Variants in CACNA2D3 observed in about 807,000 individuals in gnomAD.
CACNA2D3 encodes the protein voltage-dependent calcium channel subunit alpha-2/delta-3.
A neutral mutation model predicts 160.6 loss-of-function variants in CACNA2D3; 60 were observed. That is an observed-to-expected ratio of 0.37 (90% CI 0.30 to 0.46). CACNA2D3 has a LOEUF of 0.46. Among genes scored for constraint, CACNA2D3 ranks in the 20% least tolerant of loss-of-function variants. The pLI, the probability that CACNA2D3 is intolerant of heterozygous loss-of-function variation, is 1.00. For missense variants in CACNA2D3, 1,205 were observed against 1,365.0 expected (o/e 0.88, Z 1.85); for synonymous variants, 558 against 492.9 (o/e 1.13, Z -1.75).
intron 12 of CACNA2D3, among the ~76,000 whole-genome samples, chr3:54,753,752 A>C (rs950334704): frequency 3.3e-5 from 5 of 152,236 alleles, no homozygotes; most frequent in Admixed American, 1.3e-4. Context: ...TTAACTATCA[A>C]ATAAAATTAT....
intron 4 of CACNA2D3, among the ~76,000 whole-genome samples, chr3:54,422,694 G>A (rs1559477346): frequency 6.6e-6 from 1 of 152,186 alleles, no homozygotes; most frequent in African/African-American, 2.4e-5. Context: ...GATATCAAAT[G>A]TTGGTAAGGG....
At chr3:54,288,490 A>G (rs945923784) in intron 2 of CACNA2D3, among the ~76,000 whole-genome samples, 12 of 152,294 alleles carry the variant, frequency 7.9e-5, no homozygotes, top group East Asian at 3.9e-4. Flanking sequence ...TTCTACCAGA[A>G]GTACAAAGAG....
intron 11 of CACNA2D3, among the ~76,000 whole-genome samples, chr3:54,716,112 ACAC>A (rs2106973959): frequency 6.6e-6 from 1 of 152,328 alleles, no homozygotes. Context: ...TAAAATAAAA[ACAC>A]AAACTTTATT....
chr3:54,569,864 T>C lies in CACNA2D3; in HGVS notation c.737+9T>C. On this transcript the variant is annotated intron_variant, in intron 7 of 37. Transcript: ENST00000474759. ...TGCAGGAACCGAAAATGGTAGGCAGTGGTCAGACCTCTTTGTTATTTCTCA... is the reference window on the plus strand; with the variant it reads ...TGCAGGAACCGAAAATGGTAGGCAGCGGTCAGACCTCTTTGTTATTTCTCA... 1 of 1,610,458 alleles carries C rather than the reference T, an allele frequency of 6.2e-7. No individual in the cohort carries two copies. Among genetic ancestry groups the C allele is most frequent in the Non-Finnish European group, 8.5e-7 (1 of 1,178,006 alleles).
chr3:54,474,060 A>G (rs1436823593), intron 4 of CACNA2D3, among the ~76,000 whole-genome samples: 2 of 152,220 alleles, frequency 1.3e-5, no homozygotes, highest in Admixed American at 1.3e-4. Context: ...ATATACCCAA[A>G]GGATTATGAA....
At chr3:55,067,717 A>T (rs1318634464) in intron 35 of CACNA2D3, among the ~76,000 whole-genome samples, 1 of 110,762 alleles carries the variant, frequency 9.0e-6, no homozygotes, top group African/African-American at 4.5e-5. Context: ...CATGCATTAG[A>T]TACATACATA....
rs1553873684 is a variant in CACNA2D3, at chr3:54,821,697, T to TTCCTTCCTTCC, written c.1398+4828_1398+4829insCCTTCCTTCCT. 2.9e-4 allele frequency among the ~76,000 whole-genome samples: 24 copies of TTCCTTCCTTCC among 84,140 alleles called. No homozygotes were observed. In the East Asian group the frequency reaches 4.6e-3, roughly 16 times the overall value. 55.2% of individuals were successfully genotyped at this position (84,140 alleles called of 152,430 possible). On this transcript the variant is annotated intron_variant, in intron 14 of 37. Coordinates refer to ENST00000474759, the MANE Select transcript of CACNA2D3 (RefSeq NM_018398.3). ...CTTTCTTTCTTTCTTTCTTTCTTTC[T>TTCCTTCCTTCC]TTCCTTCCTTCCTTCTTTCCTCTCT...
intron 35 of CACNA2D3, among the ~76,000 whole-genome samples, chr3:55,019,361 G>A (rs1297877686): frequency 3.3e-5 from 5 of 151,188 alleles, no homozygotes; most frequent in Admixed American, 2.6e-4. Flanking sequence ...ATTCTGATAG[G>A]GTTTTCATTA....
chr3:55,034,933 A>G (rs1167905333), intron 35 of CACNA2D3, among the ~76,000 whole-genome samples: 2 of 152,170 alleles, frequency 1.3e-5, no homozygotes, highest in African/African-American at 4.8e-5. Flanking sequence ...TATTAAGATA[A>G]ATCTCAGTAA....
chr3:54,473,160 G>C (rs146879987), intron 4 of CACNA2D3, among the ~76,000 whole-genome samples: 3 of 152,132 alleles, frequency 2.0e-5, no homozygotes, highest in Non-Finnish European at 2.9e-5. Context: ...AACCAAAACA[G>C]CATGGTACTG....
intron 27 of CACNA2D3, among the ~76,000 whole-genome samples, chr3:54,959,517 CTAT>C (rs34279966): frequency 0.4 from 60,982 of 151,676 alleles, 13,276 homozygotes; most frequent in East Asian, 0.56. Flanking sequence ...TGTGGCTGTT[CTAT>C]TATTATTGGT....
intron 4 of CACNA2D3, among the ~76,000 whole-genome samples, chr3:54,403,393 AC>A (rs1699509491): frequency 1.4e-5 from 2 of 146,322 alleles, no homozygotes; most frequent in Non-Finnish European, 3.0e-5. Context: ...ACACACACAC[AC>A]ACACGCACAC....
At chr3:54,796,235 C>G (rs1199112492) in intron 13 of CACNA2D3, among the ~76,000 whole-genome samples, 1 of 152,134 alleles carries the variant, frequency 6.6e-6, no homozygotes, top group African/African-American at 2.4e-5. Flanking sequence ...ATTATACTAT[C>G]AGATCAAAAA....
Position 54,122,724 on chromosome 3 carries a change from C to G in CACNA2D3, c.11C>G (p.Pro4Arg). The change falls in exon 1 of 38, where the codon CCG becomes CGG. Residue 4 changes from proline (P) to arginine (R), a missense_variant. Coordinates refer to ENST00000474759, the MANE Select transcript of CACNA2D3 (RefSeq NM_018398.3). ...CGGAGGGAGCCCAGCATGGCCGGGC[C>G]GGGCTCGCCGCGCCGCGCGTCCCGG... is the stretch of plus-strand genomic sequence containing the variant. MAG[P>R]GSPRRASRGA... is the part of the protein sequence containing the mutation. The G allele has an allele frequency of 1.7e-6, 2 of 1,201,444 alleles. No homozygotes were observed. The highest frequency in any genetic ancestry group is 2.1e-6 in the Non-Finnish European group (2 of 968,010). The allele number at this position is 1,201,444 out of a possible 1,614,324, so 74.4% of individuals were successfully genotyped here. A position where few individuals can be genotyped will look rare whatever the true frequency, so the allele number is the denominator to read the frequency against.
chr3:54,717,572 G>A (rs1347079218), intron 11 of CACNA2D3, among the ~76,000 whole-genome samples: 1 of 138,316 alleles, frequency 7.2e-6, no homozygotes, highest in East Asian at 2.3e-4. Flanking sequence ...TGTGTGTGGT[G>A]TGTATGTGTG....
rs761730343 is a variant in CACNA2D3 at position 54,503,671 on chromosome 3, C to G, written c.544+17C>G. On this transcript the variant is annotated intron_variant, in intron 5 of 37. Transcript: ENST00000474759. ...ACAACAAAGGTAAGACTCCCAGCCA[C>G]TGCTCCTTTTAGAAGGTGAAGAATC... The G allele has an allele frequency of 1.6e-5, 26 of 1,610,676 alleles. No homozygotes were observed. The highest frequency in any genetic ancestry group is 5.9e-6 in the Non-Finnish European group (7 of 1,177,366).
intron 2 of CACNA2D3, among the ~76,000 whole-genome samples, chr3:54,228,044 G>A (rs1256434033): frequency 6.6e-6 from 1 of 152,074 alleles, no homozygotes; most frequent in East Asian, 1.9e-4. Context: ...AGAGCTCTGT[G>A]GATCCTCTTC....
At chr3:54,526,259 T>C (rs1701720823) in intron 5 of CACNA2D3, among the ~76,000 whole-genome samples, 1 of 152,166 alleles carries the variant, frequency 6.6e-6, no homozygotes, top group African/African-American at 2.4e-5. Flanking sequence ...TTTTCTTTAA[T>C]TCTTTGGACA....
chr3:54,860,009 CACACAA>C (rs1330444651), intron 17 of CACNA2D3, among the ~76,000 whole-genome samples: 8 of 151,584 alleles, frequency 5.3e-5, no homozygotes, highest in African/African-American at 1.2e-4. Flanking sequence ...CACACACACA[CACACAA>C]ACACACATAT....
Sources: gnomAD v4.1 joint callset for allele counts (sites outside exome capture counted in the v4.1 genomes callset) on GRCh38, gnomAD v4.1.1 for gene constraint, MANE v1.5 for transcripts, NCBI Gene and HGNC (gene_info 2026-07-23, HGNC 2026-07-21) for gene names.